The following STAM2 variants were observed in gnomAD, a reference collection of about 807,000 sequenced individuals.
The protein encoded by STAM2 is signal transducing adaptor molecule 2.
A neutral mutation model predicts 65.6 loss-of-function variants in STAM2; 51 were observed. The ratio of observed to expected loss-of-function variants is 0.78; its 90% CI spans 0.62 to 0.98. The LOEUF (loss-of-function observed/expected upper bound fraction) is 0.98, where lower values mean the gene tolerates loss of function less well. Ranked by LOEUF, STAM2 falls within the 50% of genes least tolerant of loss-of-function variation. The pLI, the probability that STAM2 is intolerant of heterozygous loss-of-function variation, is 0.00. For synonymous variants in STAM2, 198 were observed against 208.4 expected (o/e 0.95, Z 0.43); for missense variants, 584 against 617.8 (o/e 0.95, Z 0.58).
At chr2:152,159,850 T>G (rs1689627655) in intron 1 of STAM2, among the ~76,000 whole-genome samples, 1 of 152,278 alleles carries the variant, frequency 6.6e-6, no homozygotes, top group Admixed American at 6.5e-5. Flanking sequence ...TGCCTCAGCC[T>G]GCCCAGTGCC....
At position 152,117,580 on chromosome 2, in the gene STAM2, AGAAAAAG is replaced by A. The variant is rs1688771116; in HGVS notation, c.*2987_*2993del. 2.0e-5 allele frequency: 3 copies of A among 152,238 alleles called. No individual in the cohort carries two copies. Among genetic ancestry groups the A allele is most frequent in the African/African-American group, 7.2e-5 (3 of 41,452 alleles). The allele number at this position is 152,238 out of a possible 1,614,324, so 9.4% of individuals were successfully genotyped here. A position where few individuals can be genotyped will look rare whatever the true frequency, so the allele number is the denominator to read the frequency against. On this transcript the variant is annotated 3_prime_UTR_variant, in exon 14 of 14. Coordinates refer to ENST00000263904, the MANE Select transcript of STAM2 (RefSeq NM_005843.6). ...ACTGGCTAAAACTGATGATGAAAGA[AGAAAAAG>A]TACCTTCCGATAGAAATAAAGCATT...
intron 8 of STAM2, among the ~76,000 whole-genome samples, chr2:152,135,011 T>C (rs996036941): frequency 5.9e-5 from 9 of 152,212 alleles, no homozygotes; most frequent in African/African-American, 2.2e-4. Context: ...CTTGATTACA[T>C]TACTTTGTTG....
chr2:152,167,236 T>G (rs4664085), intron 1 of STAM2, among the ~76,000 whole-genome samples: 32,241 of 152,104 alleles, frequency 0.21, 3,649 homozygotes, highest in Admixed American at 0.3. Context: ...CCTCCCTGAA[T>G]GCAACAGAGA....
rs369842561 is a variant in STAM2, at chr2:152,123,946, G to C, written c.1180-11C>G. The C allele has an allele frequency of 2.5e-6, 4 of 1,606,882 alleles. No homozygotes were observed. Among genetic ancestry groups the C allele is most frequent in the Non-Finnish European group, 3.4e-6 (4 of 1,177,164 alleles). On this transcript the variant is annotated splice_polypyrimidine_tract_variant and intron_variant, in intron 12 of 13. Transcript: ENST00000263904. ...TTGAACTGGATATGTCTATTAATCAGAAAGAAAAAGTTGATTCACTCATCT... is the reference window on the plus strand; with the variant it reads ...TTGAACTGGATATGTCTATTAATCACAAAGAAAAAGTTGATTCACTCATCT...
intron 1 of STAM2, among the ~76,000 whole-genome samples, chr2:152,156,683 A>G (rs769835534): frequency 4.6e-5 from 7 of 152,206 alleles, no homozygotes; most frequent in Non-Finnish European, 8.8e-5. Context: ...CCTACAAGGA[A>G]CAAAAAGGCT....
At chr2:152,154,526 G>A (rs1021057583) in intron 1 of STAM2, among the ~76,000 whole-genome samples, 4 of 152,198 alleles carry the variant, frequency 2.6e-5, no homozygotes, top group East Asian at 1.9e-4. Flanking sequence ...GCTGAGGTAG[G>A]AGGATGGCTT....
chr2:152,144,903 C>T lies in STAM2; in HGVS notation c.502G>A (p.Glu168Lys). Residue 168 changes from glutamate (E) to lysine (K), a missense_variant, in exon 6 of 14, where the codon GAA (glutamate) becomes AAA (lysine). Glu to Lys is a moderately conservative substitution (Grantham distance 56). Coordinates refer to ENST00000263904, the MANE Select transcript of STAM2 (RefSeq NM_005843.6). ...GTSSNKNKED[E>K]DIAKAIELSL... ...GATCATTTACCTTTAGCTATGTCTT[C>T]ATCCTCTTTGTTTTTGTTCGATGAC... The T allele has an allele frequency of 6.2e-7, 1 of 1,613,848 alleles. No individual in the cohort carries two copies. The highest frequency in any genetic ancestry group is 2.2e-5 in the East Asian group (1 of 44,872).
At chr2:152,160,547 G>A (rs182075494) in intron 1 of STAM2, among the ~76,000 whole-genome samples, 35,118 of 151,122 alleles carry the variant, frequency 0.23, 4,177 homozygotes, top group Admixed American at 0.31. Context: ...CACCGCGTCC[G>A]GGAGGGAGGT....
At chr2:152,123,674 G>T in intron 13 of STAM2, 92 bp downstream of exon 13, 2 of 1,245,978 alleles carry the variant, frequency 1.6e-6, no homozygotes, top group South Asian at 1.5e-5. Context: ...AAACAGTTCT[G>T]TAACTTCATC....
Position 152,133,413 on chromosome 2 carries a change from A to G in STAM2, c.871T>C (p.Tyr291His). The change falls in exon 9 of 14, where the codon TAT becomes CAT. Residue 291 changes from tyrosine to histidine, a missense_variant. Physicochemically the swap from Tyr to His is moderately conservative, Grantham distance 83 (BLOSUM62 2). Transcript: ENST00000263904. ...AAGAGGGACCCTACCTCATCTATATAAACAGGCTCAGGCTCTGATTTCTTA... is the reference window on the plus strand; with the variant it reads ...AAGAGGGACCCTACCTCATCTATATGAACAGGCTCAGGCTCTGATTTCTTA... Reference protein sequence around the residue: ...EIKKSEPEPVYIDEDKMDRAL... With the variant: ...EIKKSEPEPVHIDEDKMDRAL... 1 of 1,612,364 alleles carries G rather than the reference A, an allele frequency of 6.2e-7. No individual in the cohort carries two copies. The highest frequency in any genetic ancestry group is 8.5e-7 in the Non-Finnish European group (1 of 1,178,964).
intron 13 of STAM2, among the ~76,000 whole-genome samples, chr2:152,123,371 C>CA (rs890510538): frequency 3.9e-5 from 6 of 152,060 alleles, no homozygotes; most frequent in African/African-American, 1.4e-4. Context: ...GACTCTGTCT[C>CA]AAAAAAACAA....
chr2:152,137,915 A>T (rs944499681), intron 7 of STAM2, among the ~76,000 whole-genome samples: 1 of 152,188 alleles, frequency 6.6e-6, no homozygotes, highest in Non-Finnish European at 1.5e-5. Flanking sequence ...TTCAAACAGT[A>T]ATCTATTCAT....
chr2:152,146,570 C>A (rs773356073), intron 5 of STAM2, among the ~76,000 whole-genome samples: 3 of 152,186 alleles, frequency 2.0e-5, no homozygotes, highest in Admixed American at 6.5e-5. Context: ...GAAGCATTCA[C>A]TCTAGGCATA....
intron 1 of STAM2, among the ~76,000 whole-genome samples, chr2:152,172,364 G>C (rs1310417640): frequency 6.6e-6 from 1 of 151,974 alleles, no homozygotes; most frequent in Non-Finnish European, 1.5e-5. Context: ...CAATTCATGA[G>C]TGCCTTCCTA....
intron 13 of STAM2, among the ~76,000 whole-genome samples, chr2:152,122,803 T>C (rs919458907): frequency 2.4e-4 from 36 of 152,150 alleles, no homozygotes; most frequent in Admixed American, 2.2e-3. Flanking sequence ...CAGTGGTGCA[T>C]GCCTGTAATC....
At chr2:152,136,110 T>C (rs994240695) in intron 7 of STAM2, among the ~76,000 whole-genome samples, 10 of 142,034 alleles carry the variant, frequency 7.0e-5, no homozygotes, top group African/African-American at 2.6e-4. Flanking sequence ...AAAAAAAAAT[T>C]AGAACCAATT....
At chr2:152,162,045 ACTC>A (rs1689688182) in intron 1 of STAM2, among the ~76,000 whole-genome samples, 1 of 151,686 alleles carries the variant, frequency 6.6e-6, no homozygotes, top group African/African-American at 2.4e-5. Context: ...TGGGGGTAGA[ACTC>A]CTGATCTCAG....
At chr2:152,162,195 A>T (rs1020447151) in intron 1 of STAM2, among the ~76,000 whole-genome samples, 13 of 152,346 alleles carry the variant, frequency 8.5e-5, no homozygotes, top group African/African-American at 2.9e-4. Flanking sequence ...CAATTTAATT[A>T]AAAACAATAA....
intron 8 of STAM2, 133 bp from the exon 9 acceptor site, chr2:152,133,617 T>A: frequency 1.5e-6 from 1 of 645,792 alleles, no homozygotes; most frequent in South Asian, 1.9e-5. Context: ...CATTTTATAA[T>A]CAATATTACA....
Sources: gnomAD v4.1 joint callset for allele counts (sites outside exome capture counted in the v4.1 genomes callset) on GRCh38, gnomAD v4.1.1 for gene constraint, MANE v1.5 for transcripts, NCBI Gene and HGNC (gene_info 2026-07-23, HGNC 2026-07-21) for gene names.